The following SKI variants were observed in gnomAD, a reference collection of about 807,000 sequenced individuals.
The protein encoded by SKI is SKI proto-oncogene, also known as ski oncogene.
In SKI, 23 loss-of-function variants were observed where a neutral mutation model predicts 59.3. That is an observed-to-expected ratio of 0.39 (90% CI 0.28 to 0.55). The LOEUF is 0.55. Ranked by LOEUF, SKI falls within the 20% of genes least tolerant of loss-of-function variation. The probability of loss-of-function intolerance (pLI) is 0.67; values close to 1 mark genes in which losing one functional copy is unlikely to be tolerated. For missense variants in SKI, 1,017 were observed against 1,038.9 expected, an observed-to-expected ratio of 0.98 and a Z score of 0.29; for synonymous variants, 673 against 488.6, an observed-to-expected ratio of 1.38 and a Z score of -4.98.
chr1:2,260,200 C>T (rs933394394), intron 1 of SKI, among the ~76,000 whole-genome samples: 4 of 152,182 alleles, frequency 2.6e-5, no homozygotes, highest in Admixed American at 2.6e-4. Flanking sequence ...GGCGTTCAGC[C>T]GTCCTGATGG....
chr1:2,294,919 G>A (rs1569841305), intron 1 of SKI, among the ~76,000 whole-genome samples: 1 of 152,244 alleles, frequency 6.6e-6, no homozygotes. Flanking sequence ...ACCCAGTGGG[G>A]CCCCTCTGGA....
chr1:2,284,174 G>A (rs1569813227), intron 1 of SKI, among the ~76,000 whole-genome samples: 3 of 152,126 alleles, frequency 2.0e-5, no homozygotes, highest in African/African-American at 4.8e-5. Flanking sequence ...CCCAGAGGCC[G>A]GCCCTGGGGG....
chr1:2,241,602 C>A (rs565735576), intron 1 of SKI, among the ~76,000 whole-genome samples: 2 of 151,974 alleles, frequency 1.3e-5, no homozygotes, highest in Admixed American at 6.5e-5. Context: ...ACCGTTTTAG[C>A]CAGGATGGTC....
intron 1 of SKI, among the ~76,000 whole-genome samples, chr1:2,263,586 T>C (rs920072456): frequency 2.6e-5 from 4 of 152,016 alleles, no homozygotes; most frequent in East Asian, 1.9e-4. Flanking sequence ...TGTTTTTTTT[T>C]CTTCTTCTTC....
At position 2,267,606 on chromosome 1, in the gene SKI, C is replaced by T. The variant is rs184021704; in HGVS notation, c.970-35372C>T. Among the ~76,000 whole-genome samples the T allele has an allele frequency of 6.6e-6, 1 of 152,292 alleles. No individual in the cohort carries two copies. Among genetic ancestry groups the T allele is most frequent in the African/African-American group, 2.4e-5 (1 of 41,558 alleles). ...TAGGGGCCACGTGGTCAGCACTGCA[C>T]TCTGCTCTCATCGGAAGCTGGGCAG... is the stretch of plus-strand genomic sequence containing the variant. On this transcript the variant is annotated intron_variant, in intron 1 of 6. Coordinates refer to ENST00000378536, the MANE Select transcript of SKI (RefSeq NM_003036.4). The surrounding 1 kb of genome is among the most constrained non-coding windows in gnomAD (Gnocchi z 4.1).
chr1:2,297,824 G>T (rs1640321764), intron 1 of SKI, among the ~76,000 whole-genome samples: 1 of 152,268 alleles, frequency 6.6e-6, no homozygotes, highest in Admixed American at 6.5e-5. Flanking sequence ...GTGTGCATGG[G>T]CAGGTCTGAG....
intron 1 of SKI, among the ~76,000 whole-genome samples, chr1:2,241,502 C>T (rs1243442676): frequency 6.6e-6 from 1 of 152,266 alleles, no homozygotes; most frequent in African/African-American, 2.4e-5. Context: ...ACGCCATTCT[C>T]CTGCCTCAGC....
intron 1 of SKI, among the ~76,000 whole-genome samples, chr1:2,239,593 G>A (rs988478461): frequency 3.9e-5 from 6 of 152,242 alleles, no homozygotes; most frequent in Non-Finnish European, 7.3e-5. Context: ...CCCGCGTGCC[G>A]GGGACCCGCA....
Position 2,269,432 on chromosome 1 carries a change from T to C in SKI, c.970-33546T>C, listed in dbSNP as rs1172053243. Reference sequence around the variant, plus strand: ...CGTCACTAGTAGGCCAAGCGGACACTGCGGGACACGTTCCCCAACGTGGGA... The same window carrying C: ...CGTCACTAGTAGGCCAAGCGGACACCGCGGGACACGTTCCCCAACGTGGGA... On this transcript the variant is annotated intron_variant, in intron 1 of 6. Coordinates refer to ENST00000378536, the MANE Select transcript of SKI (RefSeq NM_003036.4). This position sits in a 1 kb window ranked among gnomAD's most constrained non-coding sequence, Gnocchi z 4.7. Among the ~76,000 whole-genome samples the C allele has an allele frequency of 3.9e-5, 6 of 152,230 alleles. No individual in the cohort carries two copies. Among genetic ancestry groups the C allele is most frequent in the African/African-American group, 9.6e-5 (4 of 41,462 alleles).
chr1:2,241,277 T>C (rs1638864145), intron 1 of SKI, among the ~76,000 whole-genome samples: 1 of 152,226 alleles, frequency 6.6e-6, no homozygotes, highest in Admixed American at 6.5e-5. Context: ...ATTTCCAGCT[T>C]TCACTGAAGT....
chr1:2,233,938 G>A (rs1367721192), intron 1 of SKI, among the ~76,000 whole-genome samples: 2 of 152,220 alleles, frequency 1.3e-5, no homozygotes, highest in Non-Finnish European at 2.9e-5. Flanking sequence ...GGTCCGGGGA[G>A]CACTTCGGGG....
intron 1 of SKI, among the ~76,000 whole-genome samples, chr1:2,232,142 C>T (rs1027475689): frequency 2.0e-5 from 3 of 152,256 alleles, no homozygotes; most frequent in Non-Finnish European, 4.4e-5. Context: ...GTCTTGACAG[C>T]TTATTCTCGG....
chr1:2,284,477 A>G (rs1174138949), intron 1 of SKI, among the ~76,000 whole-genome samples: 1 of 152,112 alleles, frequency 6.6e-6, no homozygotes, highest in East Asian at 1.9e-4. Flanking sequence ...TGAAGTAGAG[A>G]TTGTCTGGAA....
chr1:2,285,812 C>T (rs1640027662), intron 1 of SKI, among the ~76,000 whole-genome samples: 1 of 150,384 alleles, frequency 6.6e-6, no homozygotes, highest in South Asian at 2.1e-4. Context: ...ATGATCTGCT[C>T]ATCTGGACCT....
Position 2,303,217 on chromosome 1 carries a change from CA to C in SKI, c.1096-67del. 1.3e-6 allele frequency: 2 copies of C among 1,599,394 alleles called. No homozygotes were observed. The highest frequency in any genetic ancestry group is 3.3e-5 in the Admixed American group (2 of 60,024). On this transcript the variant is annotated intron_variant, in intron 2 of 6. Coordinates refer to ENST00000378536, the MANE Select transcript of SKI (RefSeq NM_003036.4). This position sits in a 1 kb window ranked among gnomAD's most constrained non-coding sequence, Gnocchi z 5.6. ...CGCTACTGAGGGCTGGCACCCGGCG[CA>C]GCCTCAGGGACATGAAGTGGCTTGT...
intron 1 of SKI, among the ~76,000 whole-genome samples, chr1:2,287,757 G>A (rs987530139): frequency 5.3e-5 from 8 of 152,156 alleles, no homozygotes; most frequent in South Asian, 4.1e-4. Context: ...TGTGGCAGCC[G>A]TGAGATGGAT....
intron 1 of SKI, among the ~76,000 whole-genome samples, chr1:2,236,038 T>C (rs1279174619): frequency 6.6e-6 from 1 of 152,244 alleles, no homozygotes; most frequent in Non-Finnish European, 1.5e-5. Context: ...TCTCTGATTT[T>C]ACCTTTTTGA....
chr1:2,303,230 A>G lies in SKI; in HGVS notation c.1096-55A>G, dbSNP rs550818473. Reference sequence around the variant, plus strand: ...TGGCACCCGGCGCAGCCTCAGGGACATGAAGTGGCTTGTTTTTCTCCTGGT... The same window carrying G: ...TGGCACCCGGCGCAGCCTCAGGGACGTGAAGTGGCTTGTTTTTCTCCTGGT... On this transcript the variant is annotated intron_variant, in intron 2 of 6. Transcript: ENST00000378536. This position sits in a 1 kb window ranked among gnomAD's most constrained non-coding sequence, Gnocchi z 5.6. 4 of 1,603,864 alleles carry G rather than the reference A, an allele frequency of 2.5e-6. No homozygotes were observed. The South Asian group carries it at 4.4e-5, about 18-fold the overall frequency.
intron 1 of SKI, among the ~76,000 whole-genome samples, chr1:2,260,887 G>A (rs112805317): frequency 1.3e-5 from 2 of 152,110 alleles, no homozygotes; most frequent in Admixed American, 1.3e-4. Context: ...TGGGAACTTT[G>A]TCCCTAACTC....
Sources: gnomAD v4.1 joint callset for allele counts (sites outside exome capture counted in the v4.1 genomes callset) on GRCh38, gnomAD v4.1.1 for gene constraint, Gnocchi (gnomAD v3.1) non-coding constraint, MANE v1.5 for transcripts, NCBI Gene and HGNC (gene_info 2026-07-23, HGNC 2026-07-21) for gene names.